The following CDH13 variants were observed in gnomAD, a reference collection of about 807,000 sequenced individuals.
CDH13 encodes the protein cadherin-13.
CDH13 carries 24 observed loss-of-function variants against 63.8 expected under a neutral mutation model. That is an observed-to-expected ratio of 0.38 (90% CI 0.27 to 0.53). The LOEUF (loss-of-function observed/expected upper bound fraction) is 0.53. Ranked by LOEUF, CDH13 falls within the 20% of genes least tolerant of loss-of-function variation. CDH13 has a pLI of 0.85. For synonymous variants in CDH13, 503 were observed against 355.3 expected (o/e 1.42, Z -4.67); for missense variants, 1,049 against 903.1 (o/e 1.16, Z -2.07).
intron 7 of CDH13, among the ~76,000 whole-genome samples, chr16:83,575,806 A>G (rs1905050179): frequency 2.6e-5 from 4 of 152,212 alleles, no homozygotes; most frequent in Admixed American, 1.3e-4. Context: ...AACTTATATG[A>G]TTAATATCTG....
intron 5 of CDH13, among the ~76,000 whole-genome samples, chr16:83,295,358 A>G (rs1052412228): frequency 2.6e-5 from 4 of 152,176 alleles, no homozygotes; most frequent in African/African-American, 9.6e-5. Flanking sequence ...CACAGGCAAC[A>G]AAAGCAAAAA....
intron 5 of CDH13, among the ~76,000 whole-genome samples, chr16:83,321,875 C>G (rs537821919): frequency 7.3e-4 from 111 of 152,262 alleles, no homozygotes; most frequent in Non-Finnish European, 5.0e-4. Flanking sequence ...TGTCAGCAGA[C>G]AAGTTTTTAA....
intron 2 of CDH13, among the ~76,000 whole-genome samples, chr16:82,909,087 A>G (rs771180956): frequency 2.0e-5 from 3 of 152,234 alleles, no homozygotes; most frequent in Non-Finnish European, 2.9e-5. Flanking sequence ...TACTTATGAT[A>G]TGTAATACAA....
chr16:82,761,129 A>G (rs918975867), intron 1 of CDH13, among the ~76,000 whole-genome samples: 3 of 142,746 alleles, frequency 2.1e-5, no homozygotes, highest in African/African-American at 7.9e-5. Context: ...GTTCAAGTGA[A>G]TCTCCTGCCT....
At chr16:83,248,329 C>A (rs896712759) in intron 5 of CDH13, among the ~76,000 whole-genome samples, 1 of 152,128 alleles carries the variant, frequency 6.6e-6, no homozygotes, top group African/African-American at 2.4e-5. Flanking sequence ...TAGCTATGTC[C>A]TTCAGGAGCG....
intron 5 of CDH13, among the ~76,000 whole-genome samples, chr16:83,248,045 G>A (rs1005703021): frequency 2.6e-5 from 4 of 152,152 alleles, no homozygotes; most frequent in African/African-American, 9.7e-5. Context: ...ATCTGGAGGG[G>A]AAGATTCATG....
At chr16:82,939,770 A>G (rs543232464) in intron 2 of CDH13, among the ~76,000 whole-genome samples, 12 of 152,242 alleles carry the variant, frequency 7.9e-5, no homozygotes, top group South Asian at 2.1e-4. Flanking sequence ...TTTTAAACCC[A>G]TTTCTCTAAT....
chr16:83,396,458 T>C (rs979355537), intron 6 of CDH13: 9 of 152,234 alleles, frequency 5.9e-5, no homozygotes, highest in African/African-American at 2.2e-4. Flanking sequence ...GGAGTCCCTC[T>C]TTCCTCTCTG....
At position 82,957,833 on chromosome 16, in the gene CDH13, A is replaced by G. The variant is rs34085755; in HGVS notation, c.158-74177A>G. ...GATCTCTAGTATAACTATAATGAATATCTCTTAAACTTTTTCTGCTATGAC... is the reference window on the plus strand; with the variant it reads ...GATCTCTAGTATAACTATAATGAATGTCTCTTAAACTTTTTCTGCTATGAC... On this transcript the variant is annotated intron_variant, in intron 2 of 13. Coordinates refer to ENST00000567109, the MANE Select transcript of CDH13 (RefSeq NM_001257.5). 8.3e-3 allele frequency among the ~76,000 whole-genome samples: 1,260 copies of G among 152,346 alleles called. 8 individuals are homozygous for G. The highest frequency in any genetic ancestry group is 0.013 in the Non-Finnish European group (861 of 68,030).
chr16:82,676,955 C>A (rs1913994307), intron 1 of CDH13, among the ~76,000 whole-genome samples: 1 of 152,208 alleles, frequency 6.6e-6, no homozygotes. Context: ...GCAAGCTCAG[C>A]TCGCTGCAAC....
intron 1 of CDH13, among the ~76,000 whole-genome samples, chr16:82,840,616 C>T (rs946155624): frequency 5.0e-5 from 7 of 140,742 alleles, no homozygotes; most frequent in Admixed American, 3.0e-4. Context: ...ACTAGGGAGG[C>T]GGAGGTTGCA....
At chr16:82,990,452 C>A (rs541176281) in intron 2 of CDH13, among the ~76,000 whole-genome samples, 1 of 152,024 alleles carries the variant, frequency 6.6e-6, no homozygotes, top group East Asian at 1.9e-4. Flanking sequence ...CCTGGACTTA[C>A]GTTCAGGATT....
chr16:83,377,842 A>G (rs2091485983), intron 6 of CDH13, among the ~76,000 whole-genome samples: 1 of 152,202 alleles, frequency 6.6e-6, no homozygotes, highest in Non-Finnish European at 1.5e-5. Context: ...AGACCATAAC[A>G]CACAGCTAAC....
chr16:82,722,782 C>A (rs2151023961), intron 1 of CDH13, among the ~76,000 whole-genome samples: 1 of 152,280 alleles, frequency 6.6e-6, no homozygotes, highest in Admixed American at 6.5e-5. Context: ...CCAAGATGCT[C>A]ACAGGGTACC....
At chr16:83,461,090 C>G (rs1426350257) in intron 6 of CDH13, among the ~76,000 whole-genome samples, 1 of 151,994 alleles carries the variant, frequency 6.6e-6, no homozygotes, top group Non-Finnish European at 1.5e-5. Flanking sequence ...GAGGAACACA[C>G]AGGAGCTGCA....
chr16:82,653,164 C>T (rs139998400), intron 1 of CDH13, among the ~76,000 whole-genome samples: 1 of 152,084 alleles, frequency 6.6e-6, no homozygotes, highest in East Asian at 1.9e-4. Context: ...ACGGTTTTTC[C>T]AAGTGTCTGT....
intron 7 of CDH13, among the ~76,000 whole-genome samples, chr16:83,530,450 G>T (rs980272264): frequency 1.3e-5 from 2 of 152,170 alleles, no homozygotes; most frequent in Non-Finnish European, 2.9e-5. Context: ...AGAACAGAGA[G>T]CCAAAATTGA....
chr16:83,741,836 A>G (rs1347801659), intron 10 of CDH13, among the ~76,000 whole-genome samples: 1 of 152,082 alleles, frequency 6.6e-6, no homozygotes, highest in Admixed American at 6.5e-5. Flanking sequence ...GGGCCACAAC[A>G]TCAGATTGTT....
intron 2 of CDH13, among the ~76,000 whole-genome samples, chr16:82,883,616 GT>G (rs1468628996): frequency 1.3e-5 from 2 of 152,198 alleles, no homozygotes; most frequent in Admixed American, 6.5e-5. Context: ...TGGGTGTAAT[GT>G]TTAGTTTAAA....
Sources: gnomAD v4.1 joint callset for allele counts (sites outside exome capture counted in the v4.1 genomes callset) on GRCh38, gnomAD v4.1.1 for gene constraint, MANE v1.5 for transcripts, NCBI Gene and HGNC (gene_info 2026-07-23, HGNC 2026-07-21) for gene names.